PTPRG: variants seen among roughly 807,000 people sequenced by gnomAD.
The protein encoded by PTPRG is protein tyrosine phosphatase receptor type G.
A neutral mutation model predicts 165.3 loss-of-function variants in PTPRG; 102 were observed. The observed-to-expected ratio is 0.62, with a 90% CI of 0.53 to 0.73. The LOEUF (loss-of-function observed/expected upper bound fraction) is 0.73, where lower values mean the gene tolerates loss of function less well. PTPRG is among the 30% of genes least tolerant of loss of function. The probability of loss-of-function intolerance (pLI) is 0.00; values close to 1 mark genes in which losing one functional copy is unlikely to be tolerated. For missense variants in PTPRG, 1,866 were observed against 1,861.4 expected, an observed-to-expected ratio of 1.00 and a Z score of -0.05; for synonymous variants, 675 against 669.5, an observed-to-expected ratio of 1.01 and a Z score of -0.13.
intron 3 of PTPRG, 152 bp downstream of exon 3, chr3:61,989,956 C>G: frequency 1.3e-6 from 1 of 758,982 alleles, no homozygotes; most frequent in East Asian, 2.7e-5. Context: ...AGTTATGTAA[C>G]TCAGTAAATC....
In PTPRG at chr3:62,195,499, G is replaced by T. The variant is rs907829568; in HGVS notation, c.1327+329G>T. Reference sequence around the variant, plus strand: ...ACAATCACTTCCAAGTTGTACCGCTGAATATCCTCTTTGTCTTTCTAACGT... The same window carrying T: ...ACAATCACTTCCAAGTTGTACCGCTTAATATCCTCTTTGTCTTTCTAACGT... On this transcript the variant is annotated intron_variant, in intron 10 of 29. Transcript: ENST00000474889. This position sits in a 1 kb window ranked among gnomAD's most constrained non-coding sequence, Gnocchi z 4.4. Among the ~76,000 whole-genome samples, 1 of 152,126 alleles carries T rather than the reference G, an allele frequency of 6.6e-6. No individual in the cohort carries two copies. Among genetic ancestry groups the T allele is most frequent in the Non-Finnish European group, 1.5e-5 (1 of 68,024 alleles).
intron 1 of PTPRG, among the ~76,000 whole-genome samples, chr3:61,708,441 ATCTTTTTTTTTTTTTT>A (rs1348334905): frequency 7.5e-6 from 1 of 134,202 alleles, no homozygotes; most frequent in Non-Finnish European, 1.6e-5. Context: ...CTCTCTGCAA[ATCTTTTTTTTTTTTTT>A]TTTTTTTTTT....
chr3:61,679,405 C>G (rs535407170), intron 1 of PTPRG, among the ~76,000 whole-genome samples: 3 of 152,238 alleles, frequency 2.0e-5, no homozygotes, highest in Admixed American at 6.5e-5. Flanking sequence ...GCAGCCCGAC[C>G]AAGAGCCAGG....
chr3:62,262,069 T>G (rs1486825844), intron 16 of PTPRG: 1 of 152,202 alleles, frequency 6.6e-6, no homozygotes, highest in Non-Finnish European at 1.5e-5. Context: ...GTAGAAAAAT[T>G]TGGCTTTTCA....
At chr3:61,667,050 G>T (rs1702829554) in intron 1 of PTPRG, among the ~76,000 whole-genome samples, 1 of 152,138 alleles carries the variant, frequency 6.6e-6, no homozygotes, top group Non-Finnish European at 1.5e-5. Flanking sequence ...TTAAAACTTA[G>T]ACCCAGCCAT....
At chr3:62,101,155 C>T (rs981697269) in intron 5 of PTPRG, among the ~76,000 whole-genome samples, 2 of 152,082 alleles carry the variant, frequency 1.3e-5, no homozygotes, top group African/African-American at 2.4e-5. Flanking sequence ...GTGATGGGTA[C>T]GTAGGAGTTC....
intron 2 of PTPRG, among the ~76,000 whole-genome samples, chr3:61,800,205 T>G (rs575624843): frequency 6.6e-6 from 1 of 152,190 alleles, no homozygotes; most frequent in Admixed American, 6.5e-5. Flanking sequence ...GATATATTAC[T>G]GGTTTTAAGC....
chr3:61,918,130 T>C (rs1575783138), intron 2 of PTPRG, among the ~76,000 whole-genome samples: 1 of 152,114 alleles, frequency 6.6e-6, no homozygotes, highest in African/African-American at 2.4e-5. Context: ...GAGGAAAATA[T>C]GAGGCAAAGG....
At chr3:62,220,299 G>T (rs1022037695) in intron 13 of PTPRG, among the ~76,000 whole-genome samples, 2 of 152,228 alleles carry the variant, frequency 1.3e-5, no homozygotes, top group Non-Finnish European at 1.5e-5. Flanking sequence ...ACAGAAGAAT[G>T]TTATGATTTG....
rs1267013961 is a variant in PTPRG at position 61,980,164 on chromosome 3, C to T, written c.191-9461C>T. ...CCATACAAAGAAAGGAAATCCTGGCCGTGTTTAAACCAGACCTTAACTGCC... is the reference window on the plus strand; with the variant it reads ...CCATACAAAGAAAGGAAATCCTGGCTGTGTTTAAACCAGACCTTAACTGCC... On this transcript the variant is annotated intron_variant, in intron 2 of 29. Coordinates refer to ENST00000474889, the MANE Select transcript of PTPRG (RefSeq NM_002841.4). 3.3e-5 allele frequency among the ~76,000 whole-genome samples: 5 copies of T among 152,074 alleles called. No individual in the cohort carries two copies. The East Asian group carries it at 7.7e-4, about 23-fold the overall frequency.
intron 1 of PTPRG, among the ~76,000 whole-genome samples, chr3:61,650,601 C>T (rs1018624746): frequency 2.0e-5 from 3 of 152,094 alleles, no homozygotes; most frequent in Non-Finnish European, 1.5e-5. Context: ...TGTGTTTGAG[C>T]CCATGTGTTT....
intron 2 of PTPRG, among the ~76,000 whole-genome samples, chr3:61,811,159 G>T (rs2107209401): frequency 6.6e-6 from 1 of 152,256 alleles, no homozygotes; most frequent in East Asian, 1.9e-4. Context: ...GCTGGGTTTT[G>T]TGATGCTCTT....
intron 1 of PTPRG, among the ~76,000 whole-genome samples, chr3:61,647,444 C>T (rs1049594044): frequency 2.6e-5 from 4 of 152,276 alleles, no homozygotes; most frequent in African/African-American, 4.8e-5. Flanking sequence ...ATGGTATGTG[C>T]GATTAATGAG....
intron 2 of PTPRG, among the ~76,000 whole-genome samples, chr3:61,807,850 A>G (rs908683518): frequency 1.3e-5 from 2 of 152,178 alleles, no homozygotes; most frequent in East Asian, 1.9e-4. Flanking sequence ...TGTTCCTGCA[A>G]AGCAGCTCAG....
At chr3:61,816,317 G>A (rs545731204) in intron 2 of PTPRG, among the ~76,000 whole-genome samples, 118 of 152,286 alleles carry the variant, frequency 7.7e-4, no homozygotes, top group Non-Finnish European at 1.5e-3. Context: ...ATCACTTGAG[G>A]TTAGGAGTTT....
chr3:62,277,720 G>A, intron 26 of PTPRG, 41 bp downstream of exon 26: 1 of 1,605,150 alleles, frequency 6.2e-7, no homozygotes, highest in Non-Finnish European at 8.5e-7. Flanking sequence ...GAGCCCATGA[G>A]GCTACAAGCA....
At chr3:61,740,638 A>T (rs2032939894) in intron 1 of PTPRG, among the ~76,000 whole-genome samples, 1 of 152,076 alleles carries the variant, frequency 6.6e-6, no homozygotes, top group African/African-American at 2.4e-5. Flanking sequence ...CTTATAGCTC[A>T]TTTTTACAAT....
chr3:61,740,548 T>G (rs1442588538), intron 1 of PTPRG, among the ~76,000 whole-genome samples: 1 of 152,220 alleles, frequency 6.6e-6, no homozygotes, highest in African/African-American at 2.4e-5. Context: ...TTATTTTTTT[T>G]TAATAGATTC....
chr3:61,984,674 G>A (rs1409853925), intron 2 of PTPRG, among the ~76,000 whole-genome samples: 1 of 152,188 alleles, frequency 6.6e-6, no homozygotes, highest in Admixed American at 6.5e-5. Context: ...CCCAACATGG[G>A]TGTGTTTACT....
Sources: gnomAD v4.1 joint callset for allele counts (sites outside exome capture counted in the v4.1 genomes callset) on GRCh38, gnomAD v4.1.1 for gene constraint, Gnocchi (gnomAD v3.1) non-coding constraint, MANE v1.5 for transcripts, NCBI Gene and HGNC (gene_info 2026-07-23, HGNC 2026-07-21) for gene names.